CMIP: variants seen among roughly 807,000 people sequenced by gnomAD.
CMIP encodes c-Maf inducing protein.
CMIP carries 13 observed loss-of-function variants against 97.3 expected under a neutral mutation model. The ratio of observed to expected loss-of-function variants is 0.13; its 90% CI spans 0.09 to 0.21. CMIP has a LOEUF of 0.21. Among genes scored for constraint, CMIP ranks in the 10% least tolerant of loss-of-function variants. The pLI, the probability that CMIP is intolerant of heterozygous loss-of-function variation, is 1.00. For synonymous variants in CMIP, 538 were observed against 436.3 expected, an observed-to-expected ratio of 1.23 and a Z score of -2.91; for missense variants, 847 against 1,024.9, an observed-to-expected ratio of 0.83 and a Z score of 2.37.
chr16:81,552,764 C>G (rs962546440), intron 1 of CMIP, among the ~76,000 whole-genome samples: 3 of 152,218 alleles, frequency 2.0e-5, no homozygotes, highest in African/African-American at 4.8e-5. Context: ...GCTCTTGTGC[C>G]TACCACCAGG....
chr16:81,634,975 A>G (rs1226516136), intron 3 of CMIP, among the ~76,000 whole-genome samples: 2 of 152,184 alleles, frequency 1.3e-5, no homozygotes, highest in Non-Finnish European at 2.9e-5. Context: ...AGTTCCCTTT[A>G]TCAGGCCCAA....
chr16:81,687,773 G>A (rs1167820811), intron 10 of CMIP, among the ~76,000 whole-genome samples: 1 of 152,200 alleles, frequency 6.6e-6, no homozygotes, highest in East Asian at 1.9e-4. Context: ...GGGGGCAAGA[G>A]TTGGCCAAAA....
intron 3 of CMIP, chr16:81,645,381 G>T (rs2092352940): frequency 4.1e-6 from 6 of 1,458,544 alleles, no homozygotes; most frequent in Non-Finnish European, 4.5e-6. Context: ...AGCCCCAGAG[G>T]CTGCGGCAGC....
intron 17 of CMIP, among the ~76,000 whole-genome samples, chr16:81,703,278 C>G (rs568327779): frequency 6.6e-6 from 1 of 152,174 alleles, no homozygotes; most frequent in African/African-American, 2.4e-5. Context: ...CTAAATCAGC[C>G]TTCATTCCGG....
intron 1 of CMIP, among the ~76,000 whole-genome samples, chr16:81,544,336 G>A (rs2090503427): frequency 6.6e-6 from 1 of 152,224 alleles, no homozygotes; most frequent in Non-Finnish European, 1.5e-5. Context: ...TAATTGCAAA[G>A]TCTCTTTGGT....
At chr16:81,492,666 GGGGAGGGAA>G (rs1288385387) in intron 1 of CMIP, among the ~76,000 whole-genome samples, 3 of 152,146 alleles carry the variant, frequency 2.0e-5, no homozygotes, top group Non-Finnish European at 4.4e-5. Context: ...AGGCAAAACA[GGGGAGGGAA>G]GGGAGGGCCC....
At chr16:81,684,603 A>G (rs1161346031) in intron 10 of CMIP, among the ~76,000 whole-genome samples, 1 of 152,200 alleles carries the variant, frequency 6.6e-6, no homozygotes, top group African/African-American at 2.4e-5. Flanking sequence ...TTCAGTCCCA[A>G]CATGTCCCCC....
intron 1 of CMIP, among the ~76,000 whole-genome samples, chr16:81,478,751 C>T (rs115868024): frequency 0.046 from 7,031 of 152,216 alleles, 192 homozygotes; most frequent in Non-Finnish European, 0.065. Flanking sequence ...TAGGTGTGGA[C>T]GTTGAGGGCC....
At chr16:81,583,489 G>A (rs1036327771) in intron 1 of CMIP, among the ~76,000 whole-genome samples, 8 of 152,184 alleles carry the variant, frequency 5.3e-5, no homozygotes, top group Admixed American at 5.2e-4. Context: ...ATAAGTCATT[G>A]GGAATACTTG....
intron 10 of CMIP, among the ~76,000 whole-genome samples, chr16:81,686,054 C>T (rs1815720314): frequency 6.6e-6 from 1 of 152,214 alleles, no homozygotes; most frequent in Non-Finnish European, 1.5e-5. Context: ...CATTTTCCTG[C>T]CTATAAAATG....
intron 1 of CMIP, chr16:81,475,948 C>T: frequency 2.3e-6 from 1 of 430,712 alleles, no homozygotes; most frequent in South Asian, 2.0e-5. Flanking sequence ...GATTGCTCCA[C>T]TGCGCTCCAG....
At chr16:81,600,314 C>T (rs1345914672) in intron 1 of CMIP, among the ~76,000 whole-genome samples, 6 of 148,290 alleles carry the variant, frequency 4.0e-5, no homozygotes, top group Non-Finnish European at 8.9e-5. Flanking sequence ...AAAGCTGGCT[C>T]TTCACTATAG....
intron 19 of CMIP, 43 bp downstream of exon 19, chr16:81,705,647 T>C: frequency 7.6e-7 from 1 of 1,312,610 alleles, no homozygotes; most frequent in Non-Finnish European, 1.1e-6. Flanking sequence ...GGCCGCTTGA[T>C]TCATTCCTTC....
chr16:81,696,369 C>A lies in CMIP; in HGVS notation c.1531-191C>A, dbSNP rs1906719264. ...GCCAGAGTCCCCTGGGGTGTGGGGG[C>A]CACGGTATTTCCCGAAAGACCTTTC... On this transcript the variant is annotated intron_variant, in intron 13 of 20. Coordinates refer to ENST00000537098, the MANE Select transcript of CMIP (RefSeq NM_198390.3). 3.3e-5 allele frequency: 21 copies of A among 638,426 alleles called. No homozygotes were observed. In the South Asian group the frequency reaches 3.8e-4, roughly 12 times the overall value. The allele number at this position is 638,426 out of a possible 1,614,324, so 39.5% of individuals were successfully genotyped here.
intron 1 of CMIP, among the ~76,000 whole-genome samples, chr16:81,535,973 G>A (rs984749356): frequency 1.3e-4 from 20 of 152,258 alleles, no homozygotes; most frequent in African/African-American, 4.8e-4. Flanking sequence ...CGTGTCACCT[G>A]AGGGCCCAGG....
intron 6 of CMIP, among the ~76,000 whole-genome samples, chr16:81,662,164 A>G (rs958352432): frequency 4.6e-5 from 7 of 152,142 alleles, no homozygotes; most frequent in Non-Finnish European, 8.8e-5. Flanking sequence ...GCCTGTCACA[A>G]CAGATCACCT....
chr16:81,582,008 A>G (rs2091303933), intron 1 of CMIP, among the ~76,000 whole-genome samples: 1 of 152,192 alleles, frequency 6.6e-6, no homozygotes, highest in African/African-American at 2.4e-5. Flanking sequence ...GGTGGAAGGC[A>G]AAGGAGGAGC....
chr16:81,640,297 C>T (rs113978446), intron 3 of CMIP, among the ~76,000 whole-genome samples: 3,816 of 150,980 alleles, frequency 0.025, 159 homozygotes, highest in African/African-American at 0.08. Context: ...CCCCCCCCCC[C>T]CCAATTCCCC....
intron 1 of CMIP, among the ~76,000 whole-genome samples, chr16:81,578,965 A>C (rs938882011): frequency 2.6e-5 from 4 of 152,230 alleles, no homozygotes; most frequent in South Asian, 2.1e-4. Flanking sequence ...GGAACACTGG[A>C]CTAAGAGTCA....
Sources: allele counts gnomAD v4.1 joint callset (sites outside exome capture counted in the v4.1 genomes callset), GRCh38; gene constraint gnomAD v4.1.1; transcripts MANE v1.5; gene names NCBI Gene and HGNC (gene_info 2026-07-23, HGNC 2026-07-21).